Variants in BSG observed in about 807,000 individuals in gnomAD.
BSG encodes basigin.
BSG carries 37 observed loss-of-function variants against 43.1 expected under a neutral mutation model. That is an observed-to-expected ratio of 0.86 (90% CI 0.66 to 1.13). BSG has a LOEUF of 1.13. Among genes scored for constraint, BSG ranks in the 50% most tolerant of loss-of-function variants. The pLI is 0.00. For synonymous variants in BSG, 309 were observed against 238.7 expected, an observed-to-expected ratio of 1.29 and a Z score of -2.72; for missense variants, 599 against 554.2, an observed-to-expected ratio of 1.08 and a Z score of -0.81.
chr19:579,636 C>G lies in BSG; in HGVS notation c.552C>G (p.Pro184=), dbSNP rs142283391. ...TGGTGCTGAAGGAGGACGCGCTGCC[C>G]GGCCAGAAAACGGAGTTCAAGTGAG... is the stretch of plus-strand genomic sequence containing the variant. ...GGVVLKEDAL[P]GQKTEFKVDS... The change falls in exon 3 of 9, where the codon CCC becomes CCG. Residue 184 remains proline (P), a synonymous_variant. Transcript: ENST00000333511. 3.1e-6 allele frequency: 5 copies of G among 1,610,522 alleles called. No homozygotes were observed. The East Asian group carries it at 8.9e-5, about 29-fold the overall frequency.
chr19:582,266 T>G, intron 6 of BSG, 40 bp from the exon 7 acceptor site: 1 of 1,604,352 alleles, frequency 6.2e-7, no homozygotes. Context: ...TGACAGGCTG[T>G]CCTCTCGTCC....
rs1359604103 is a variant in BSG, at chr19:572,695, G to C, written c.61G>C (p.Gly21Arg). 6.7e-7 allele frequency: 1 copy of C among 1,483,752 alleles called. No homozygotes were observed. Among genetic ancestry groups the C allele is most frequent in the East Asian group, 2.9e-5 (1 of 34,562 alleles). 91.9% of individuals were successfully genotyped at this position (1,483,752 alleles called of 1,614,324 possible). ...FALLGTHGASGAAGFVQAPLS... is the reference protein window; with the variant it reads ...FALLGTHGASRAAGFVQAPLS... Reference sequence around the variant, plus strand: ...GCTGCTGGGCACCCACGGAGCCTCCGGGGCTGGTGAGGAGCGGGTAGGGGG... The same window carrying C: ...GCTGCTGGGCACCCACGGAGCCTCCCGGGCTGGTGAGGAGCGGGTAGGGGG... Residue 21 changes from glycine to arginine, a missense_variant, in exon 1 of 9, where the codon GGG (glycine) becomes CGG (arginine). Gly to Arg is a moderately radical substitution (Grantham distance 125). Coordinates refer to ENST00000333511, the MANE Select transcript of BSG (RefSeq NM_001728.4).
Position 572,651 on chromosome 19 carries a change from T to A in BSG, c.17T>A (p.Phe6Tyr). 1 of 1,505,882 alleles carries A rather than the reference T, an allele frequency of 6.6e-7. No homozygotes were observed. The highest frequency in any genetic ancestry group is 8.9e-7 in the Non-Finnish European group (1 of 1,125,954). 93.3% of individuals were successfully genotyped at this position (1,505,882 alleles called of 1,614,324 possible). A position where few individuals can be genotyped will look rare whatever the true frequency, so the allele number is the denominator to read the frequency against. Residue 6 changes from phenylalanine to tyrosine, a missense_variant, in exon 1 of 9, where the codon TTC becomes TAC. Physicochemically the swap from Phe to Tyr is conservative, Grantham distance 22. Transcript: ENST00000333511. MAAAL[F>Y]VLLGFALLGT... ...ATAGGAATCATGGCGGCTGCGCTGTTCGTGCTGCTGGGATTCGCGCTGCTG... is the reference window on the plus strand; with the variant it reads ...ATAGGAATCATGGCGGCTGCGCTGTACGTGCTGCTGGGATTCGCGCTGCTG...
Position 572,654 on chromosome 19 carries a change from TGCTGCTGGGATTCGC to T in BSG, c.30_44del (p.Phe11_Gly15del). On this transcript the variant is annotated inframe_deletion, in exon 1 of 9. Coordinates refer to ENST00000333511, the MANE Select transcript of BSG (RefSeq NM_001728.4). ...GGAATCATGGCGGCTGCGCTGTTCG[TGCTGCTGGGATTCGC>T]GCTGCTGGGCACCCACGGAGCCTCC... 6.6e-7 allele frequency: 1 copy of T among 1,506,956 alleles called. No homozygotes were observed. Among genetic ancestry groups the T allele is most frequent in the Non-Finnish European group, 8.9e-7 (1 of 1,126,526 alleles). 93.3% of individuals were successfully genotyped at this position (1,506,956 alleles called of 1,614,324 possible).
rs745514942 is a variant in BSG at position 580,800 on chromosome 19, C to G, written c.792+18C>G. The G allele has an allele frequency of 1.3e-6, 2 of 1,587,022 alleles. No homozygotes were observed. Among genetic ancestry groups the G allele is most frequent in the African/African-American group, 2.7e-5 (2 of 73,738 alleles). Reference sequence around the variant, plus strand: ...AGGACAAGGTGAGAAGCCAAGGAGGCTGGGGGTCCTGGACCCAGCCCTCAG... The same window carrying G: ...AGGACAAGGTGAGAAGCCAAGGAGGGTGGGGGTCCTGGACCCAGCCCTCAG... On this transcript the variant is annotated intron_variant, in intron 5 of 8. Transcript: ENST00000333511.
intron 6 of BSG, among the ~76,000 whole-genome samples, chr19:581,994 G>A (rs899947991): frequency 3.9e-5 from 6 of 152,272 alleles, no homozygotes; most frequent in South Asian, 2.1e-4. Context: ...CTTGGGCTGC[G>A]TGTGCCGGGG....
intron 1 of BSG, 82 bp downstream of exon 1, chr19:572,783 A>G: frequency 7.7e-7 from 1 of 1,295,804 alleles, no homozygotes; most frequent in Non-Finnish European, 9.8e-7. Context: ...AGCCGACGGG[A>G]GCCTGGGGCC....
chr19:571,468 T>C (rs1458061467), upstream of BSG: 2 of 773,988 alleles, frequency 2.6e-6, no homozygotes, highest in South Asian at 1.3e-5. Flanking sequence ...TCAAGGGTCC[T>C]TCCTACCCGC....
intron 5 of BSG, among the ~76,000 whole-genome samples, chr19:581,015 G>A (rs1461161577): frequency 1.6e-5 from 2 of 127,800 alleles, no homozygotes; most frequent in African/African-American, 6.5e-5. Context: ...CTCCGGACTG[G>A]GTGAGGGGCC....
At position 582,541 on chromosome 19, in the gene BSG, C is replaced by T. The variant is rs770525673; in HGVS notation, c.1122C>T (p.Asp374=). The T allele has an allele frequency of 6.2e-7, 1 of 1,604,342 alleles. No individual in the cohort carries two copies. The highest frequency in any genetic ancestry group is 1.7e-5 in the Admixed American group (1 of 58,122). ...PLKSSGQHQN[D]KGKNVRQRNS... is the part of the protein sequence containing the mutation. Reference sequence around the variant, plus strand: ...AGAGCAGCGGGCAGCACCAGAATGACAAAGGCAAGAACGTCCGCCAGAGGA... The same window carrying T: ...AGAGCAGCGGGCAGCACCAGAATGATAAAGGCAAGAACGTCCGCCAGAGGA... The change falls in exon 8 of 9, where the codon GAC becomes GAT. Residue 374 remains aspartate, a synonymous_variant. Transcript: ENST00000333511.
intron 3 of BSG, 87 bp from the exon 4 acceptor site, chr19:580,292 G>GC: frequency 8.1e-7 from 1 of 1,237,358 alleles, no homozygotes; most frequent in South Asian, 1.3e-5. Flanking sequence ...TTTTCACTGT[G>GC]CCGTGGTTGG....
rs1982399739 is a variant in BSG at position 582,350 on chromosome 19, G to T, written c.1094+20G>T. 1.3e-6 allele frequency: 2 copies of T among 1,596,308 alleles called. No homozygotes were observed. Among genetic ancestry groups the T allele is most frequent in the Non-Finnish European group, 1.7e-6 (2 of 1,175,960 alleles). On this transcript the variant is annotated intron_variant, in intron 7 of 8. Coordinates refer to ENST00000333511, the MANE Select transcript of BSG (RefSeq NM_001728.4). ...ACCCCTGTAAGTTCCAGCTGTGGGGGTCGGGGGTCCCAAGGAGCGGCCTGC... is the reference window on the plus strand; with the variant it reads ...ACCCCTGTAAGTTCCAGCTGTGGGGTTCGGGGGTCCCAAGGAGCGGCCTGC...
chr19:576,432 G>GA (rs1981776248), intron 1 of BSG, among the ~76,000 whole-genome samples: 1 of 152,232 alleles, frequency 6.6e-6, no homozygotes, highest in African/African-American at 2.4e-5. Context: ...TAACTCCCAA[G>GA]AAATGTAGGT....
At chr19:580,491 C>T (rs1245335541) in intron 4 of BSG, 30 bp downstream of exon 4, 2 of 1,608,696 alleles carry the variant, frequency 1.2e-6, no homozygotes, top group South Asian at 1.1e-5. Flanking sequence ...GTACCGGGCA[C>T]CACCGACTGT....
chr19:578,220 T>C, intron 2 of BSG, 99 bp downstream of exon 2: 1 of 1,215,956 alleles, frequency 8.2e-7, no homozygotes, highest in Non-Finnish European at 1.1e-6. Context: ...CCTCCTCCCC[T>C]CTCCGTCCCG....
upstream of BSG, chr19:572,248 C>T (rs1199135601): frequency 2.4e-5 from 9 of 374,964 alleles, no homozygotes; most frequent in African/African-American, 2.0e-4. Flanking sequence ...CCGTGTTTAA[C>T]TCAGATAAAA....
At chr19:572,376 C>T (rs370827224), upstream of BSG, 24 of 1,101,824 alleles carry the variant, frequency 2.2e-5, no homozygotes, top group Non-Finnish European at 2.5e-5. Flanking sequence ...CCGCAGGCCC[C>T]ACTCCCGTTT....
rs1982452219 is a variant in BSG, at chr19:582,794, A to C, written c.*50A>C. ...TGCTCCACGTCTGCGCCGCCGCCGG[A>C]GTCCACTCCCAGTGCTTGCAAGATT... On this transcript the variant is annotated 3_prime_UTR_variant, in exon 9 of 9. Coordinates refer to ENST00000333511, the MANE Select transcript of BSG (RefSeq NM_001728.4). The C allele has an allele frequency of 3.4e-6, 2 of 596,506 alleles. No homozygotes were observed. The highest frequency in any genetic ancestry group is 6.0e-6 in the Non-Finnish European group (2 of 336,042). The allele number at this position is 596,506 out of a possible 1,614,324, so 37.0% of individuals were successfully genotyped here.
chr19:579,855 A>G, intron 3 of BSG, 199 bp downstream of exon 3: 1 of 785,484 alleles, frequency 1.3e-6, no homozygotes, highest in Non-Finnish European at 1.9e-6. Flanking sequence ...AGGGGGCTCC[A>G]GCAGCCCTGG....
Sources: gnomAD v4.1 joint callset for allele counts (sites outside exome capture counted in the v4.1 genomes callset) on GRCh38, gnomAD v4.1.1 for gene constraint, MANE v1.5 for transcripts, NCBI Gene and HGNC (gene_info 2026-07-23, HGNC 2026-07-21) for gene names.